Variants in NFKBIL1 observed in about 807,000 individuals in gnomAD.
NFKBIL1 encodes NF-kappa-B inhibitor-like protein 1.
In NFKBIL1, 30 loss-of-function variants were observed where a neutral mutation model predicts 45.4. The observed-to-expected ratio is 0.66, with a 90% confidence interval of 0.49 to 0.90. The LOEUF (loss-of-function observed/expected upper bound fraction) is 0.90. NFKBIL1 is among the 40% of genes least tolerant of loss of function. NFKBIL1 has a pLI of 0.00. For missense variants in NFKBIL1, 434 were observed against 513.4 expected, an observed-to-expected ratio of 0.85 and a Z score of 1.49; for synonymous variants, 179 against 197.3, an observed-to-expected ratio of 0.91 and a Z score of 0.78.
intron 2 of NFKBIL1, among the ~76,000 whole-genome samples, chr6:31,552,383 CT>C (rs1769477464): frequency 6.6e-6 from 1 of 152,116 alleles, no homozygotes; most frequent in Admixed American, 6.5e-5. Context: ...AGAGATTCTC[CT>C]GCCTCAGCCT....
chr6:31,558,194 G>T lies in NFKBIL1; in HGVS notation c.729G>T (p.Gln243His). The change falls in exon 4 of 4, where the codon CAG (glutamine) becomes CAT (histidine). Residue 243 changes from glutamine to histidine, a missense_variant. This residue lies in a region of NFKBIL1 where 128 missense variants were observed against 106.5 expected (regional missense o/e 1.20). Transcript: ENST00000376148. This position sits in a 1 kb window ranked among gnomAD's most constrained non-coding sequence, Gnocchi z 7.2. ...SQSWRQQEEE[Q>H]RLFRERARAK... The stretch of plus-strand genomic sequence containing the variant: ...GCTGGCGACAGCAGGAGGAGGAGCA[G>T]CGGCTCTTCAGGGAGCGAGCCCGGG... 6.2e-7 allele frequency: 1 copy of T among 1,607,016 alleles called. No homozygotes were observed. The highest frequency in any genetic ancestry group is 8.5e-7 in the Non-Finnish European group (1 of 1,177,440).
In NFKBIL1 at chr6:31,548,361, C is replaced by G. The variant is rs760189358; in HGVS notation, c.256C>G (p.Arg86Gly). The change falls in exon 2 of 4, where the codon CGG (arginine) becomes GGG (glycine). Residue 86 changes from arginine to glycine, a missense_variant. Physicochemically the swap from Arg to Gly is moderately radical, Grantham distance 125. Transcript: ENST00000376148. ...HDAPALCLLL[R>G]LGADPAHQDR... ...TGCCCCTGCCCTGTGCCTGCTGCTTCGGCTCGGGGCTGACCCTGCCCACCA... is the reference window on the plus strand; with the variant it reads ...TGCCCCTGCCCTGTGCCTGCTGCTTGGGCTCGGGGCTGACCCTGCCCACCA... The G allele has an allele frequency of 6.3e-7, 1 of 1,586,270 alleles. No individual in the cohort carries two copies. Among genetic ancestry groups the G allele is most frequent in the Non-Finnish European group, 8.6e-7 (1 of 1,167,462 alleles).
chr6:31,555,491 G>A lies in NFKBIL1; in HGVS notation c.335-2137G>A, dbSNP rs578099010. ...GACCTCAGGTGATCCACCCGCCTCA[G>A]CCTCCCAAAGTGCTGGGATTACAGG... is the stretch of plus-strand genomic sequence containing the variant. On this transcript the variant is annotated intron_variant, in intron 2 of 3. Transcript: ENST00000376148. Among the ~76,000 whole-genome samples the A allele has an allele frequency of 2.1e-4, 32 of 151,270 alleles. No homozygotes were observed. In the East Asian group the frequency reaches 4.7e-3, roughly 22 times the overall value.
chr6:31,558,175 G>T lies in NFKBIL1; in HGVS notation c.710G>T (p.Arg237Leu), dbSNP rs201798828. The change falls in exon 4 of 4, where the codon CGA (arginine) becomes CTA (leucine). Residue 237 changes from arginine to leucine, a missense_variant. Physicochemically the swap from Arg to Leu is moderately radical, Grantham distance 102. This residue lies in a region of NFKBIL1 where 128 missense variants were observed against 106.5 expected (regional missense o/e 1.20). Transcript: ENST00000376148. The surrounding 1 kb of genome is among the most constrained non-coding windows in gnomAD (Gnocchi z 7.2). ...PRAEGSSQSW[R>L]QQEEEQRLFR... ...GCTGAGGGCTCCAGCCAGAGCTGGCGACAGCAGGAGGAGGAGCAGCGGCTC... is the reference window on the plus strand; with the variant it reads ...GCTGAGGGCTCCAGCCAGAGCTGGCTACAGCAGGAGGAGGAGCAGCGGCTC... 2 of 1,609,898 alleles carry T rather than the reference G, an allele frequency of 1.2e-6. No individual in the cohort carries two copies. The highest frequency in any genetic ancestry group is 1.7e-6 in the Non-Finnish European group (2 of 1,178,704).
chr6:31,548,329 G>A lies in NFKBIL1; in HGVS notation c.224G>A (p.Arg75His), dbSNP rs201908227. The A allele has an allele frequency of 1.3e-5, 21 of 1,603,772 alleles. No homozygotes were observed. Among genetic ancestry groups the A allele is most frequent in the East Asian group, 2.2e-5 (1 of 44,766 alleles). ...QPPPLHRACA[R>H]HDAPALCLLL... ...CCACCACTGCACCGGGCCTGTGCCC[G>A]CCACGATGCCCCTGCCCTGTGCCTG... Residue 75 changes from arginine to histidine, a missense_variant, in exon 2 of 4, where the codon CGC becomes CAC. Coordinates refer to ENST00000376148, the MANE Select transcript of NFKBIL1 (RefSeq NM_005007.4).
At chr6:31,549,754 C>T (rs1348974688) in intron 2 of NFKBIL1, among the ~76,000 whole-genome samples, 1 of 152,138 alleles carries the variant, frequency 6.6e-6, no homozygotes, top group Non-Finnish European at 1.5e-5. Flanking sequence ...CAGAAACACT[C>T]ATGTGTTTGG....
rs1451415375 is a variant in NFKBIL1 at position 31,557,256 on chromosome 6, C to G, written c.335-372C>G. 6.6e-6 allele frequency among the ~76,000 whole-genome samples: 1 copy of G among 151,682 alleles called. No individual in the cohort carries two copies. The highest frequency in any genetic ancestry group is 3.4e-3 in the Middle Eastern group (1 of 294). ...CCGAGTAGCTGGGACTGCAGGCGCC[C>G]GCCACCAGGCCTGGCTAATTTTTTG... On this transcript the variant is annotated intron_variant, in intron 2 of 3. Coordinates refer to ENST00000376148, the MANE Select transcript of NFKBIL1 (RefSeq NM_005007.4). The surrounding 1 kb of genome is among the most constrained non-coding windows in gnomAD (Gnocchi z 5.4).
chr6:31,556,950 G>T (rs1769772572), intron 2 of NFKBIL1, among the ~76,000 whole-genome samples: 1 of 152,172 alleles, frequency 6.6e-6, no homozygotes, highest in Admixed American at 6.5e-5. Context: ...GAGAAAATAA[G>T]GGATTTATAT....
intron 2 of NFKBIL1, among the ~76,000 whole-genome samples, chr6:31,550,283 C>G (rs1251680046): frequency 2.6e-5 from 4 of 152,056 alleles, no homozygotes; most frequent in Non-Finnish European, 4.4e-5. Context: ...CCTTCTTTCC[C>G]CATCTAGAGA....
chr6:31,551,836 C>G (rs1039082919), intron 2 of NFKBIL1, among the ~76,000 whole-genome samples: 1 of 151,316 alleles, frequency 6.6e-6, no homozygotes, highest in African/African-American at 2.4e-5. Flanking sequence ...TCCCTCTGTT[C>G]CCCAGGCTGG....
intron 2 of NFKBIL1, among the ~76,000 whole-genome samples, chr6:31,553,241 C>G (rs890403786): frequency 6.6e-6 from 1 of 151,896 alleles, no homozygotes; most frequent in African/African-American, 2.4e-5. Flanking sequence ...ACCGTGTTGG[C>G]CAGGCTGGTC....
In NFKBIL1 at chr6:31,558,001, C is replaced by T. The variant is rs372701895; in HGVS notation, c.557-21C>T. 1.4e-6 allele frequency: 2 copies of T among 1,412,848 alleles called. No individual in the cohort carries two copies. The highest frequency in any genetic ancestry group is 1.9e-4 in the Middle Eastern group (1 of 5,198). The allele number at this position is 1,412,848 out of a possible 1,614,324, so 87.5% of individuals were successfully genotyped here. A position where few individuals can be genotyped will look rare whatever the true frequency, so the allele number is the denominator to read the frequency against. ...TCTCACAGCCTCTCTCCAACTACCC[C>T]CATCCCACCCTCCCAAACAGGTGAT... On this transcript the variant is annotated intron_variant, in intron 3 of 3. Transcript: ENST00000376148. This position sits in a 1 kb window ranked among gnomAD's most constrained non-coding sequence, Gnocchi z 7.2.
chr6:31,558,473 C>T lies in NFKBIL1; in HGVS notation c.1008C>T (p.Val336=), dbSNP rs1330293025. The T allele has an allele frequency of 6.4e-7, 1 of 1,551,626 alleles. No homozygotes were observed. Among genetic ancestry groups the T allele is most frequent in the Non-Finnish European group, 8.7e-7 (1 of 1,147,424 alleles). The change falls in exon 4 of 4, where the codon GTC becomes GTT. Residue 336 remains valine, a synonymous_variant. Coordinates refer to ENST00000376148, the MANE Select transcript of NFKBIL1 (RefSeq NM_005007.4). The surrounding 1 kb of genome is among the most constrained non-coding windows in gnomAD (Gnocchi z 7.2). The stretch of plus-strand genomic sequence containing the variant: ...GGGCTCTGAGGAGGTACTTGAGGGT[C>T]CAGCAGGTCCGCTGGCACCCTGACC... ...EQGALRRYLR[V]QQVRWHPDRF...
intron 2 of NFKBIL1, among the ~76,000 whole-genome samples, chr6:31,555,627 T>C (rs1166706155): frequency 7.2e-6 from 1 of 138,048 alleles, no homozygotes; most frequent in Non-Finnish European, 1.6e-5. Context: ...TTTTTTTTTT[T>C]TTTTTTGAGA....
Position 31,558,455 on chromosome 6 carries a change from G to A in NFKBIL1, c.990G>A (p.Leu330=), listed in dbSNP as rs1291716625. ...CCCCTTTGGAGGAACAGGGGGCTCT[G>A]AGGAGGTACTTGAGGGTCCAGCAGG... ...RGPPLEEQGA[L]RRYLRVQQVR... is the part of the protein sequence containing the mutation. Residue 330 remains leucine, a synonymous_variant, in exon 4 of 4, where the codon CTG becomes CTA. Coordinates refer to ENST00000376148, the MANE Select transcript of NFKBIL1 (RefSeq NM_005007.4). This position sits in a 1 kb window ranked among gnomAD's most constrained non-coding sequence, Gnocchi z 7.2. The A allele has an allele frequency of 6.4e-7, 1 of 1,551,262 alleles. No homozygotes were observed. Among genetic ancestry groups the A allele is most frequent in the African/African-American group, 1.4e-5 (1 of 73,282 alleles).
chr6:31,549,717 TG>T (rs1458099163), intron 2 of NFKBIL1, among the ~76,000 whole-genome samples: 3 of 152,116 alleles, frequency 2.0e-5, no homozygotes, highest in African/African-American at 7.2e-5. Flanking sequence ...TTCATCCTAC[TG>T]ATGTCAATAT....
At chr6:31,552,171 GATCCACCC>G (rs1319332328) in intron 2 of NFKBIL1, among the ~76,000 whole-genome samples, 9 of 152,200 alleles carry the variant, frequency 5.9e-5, no homozygotes, top group Admixed American at 5.2e-4. Context: ...GACCTCAAGT[GATCCACCC>G]ACCTCAGCCT....
Position 31,558,738 on chromosome 6 carries a change from G to T in NFKBIL1, c.*127G>T. 8 of 738,430 alleles carry T rather than the reference G, an allele frequency of 1.1e-5. No homozygotes were observed. Among genetic ancestry groups the T allele is most frequent in the Non-Finnish European group, 1.3e-5 (6 of 479,808 alleles). The allele number at this position is 738,430 out of a possible 1,614,324, so 45.7% of individuals were successfully genotyped here. ...CTCAGCAGAGGATATGGGTGGGAGCGAAAGTTGTAACAAGTGGGGGTGGGG... is the reference window on the plus strand; with the variant it reads ...CTCAGCAGAGGATATGGGTGGGAGCTAAAGTTGTAACAAGTGGGGGTGGGG... On this transcript the variant is annotated 3_prime_UTR_variant, in exon 4 of 4. Coordinates refer to ENST00000376148, the MANE Select transcript of NFKBIL1 (RefSeq NM_005007.4). This position sits in a 1 kb window ranked among gnomAD's most constrained non-coding sequence, Gnocchi z 7.2.
rs1038431138 is a variant in NFKBIL1 at position 31,558,444 on chromosome 6, C to G, written c.979C>G (p.Gln327Glu). The G allele has an allele frequency of 1.4e-5, 22 of 1,551,036 alleles. No homozygotes were observed. The highest frequency in any genetic ancestry group is 1.9e-5 in the Non-Finnish European group (22 of 1,147,244). ...LVARGPPLEEQGALRRYLRVQ... is the reference protein window; with the variant it reads ...LVARGPPLEEEGALRRYLRVQ... The stretch of plus-strand genomic sequence containing the variant: ...GGCCAGGGGCCCCCCTTTGGAGGAA[C>G]AGGGGGCTCTGAGGAGGTACTTGAG... The change falls in exon 4 of 4, where the codon CAG becomes GAG. Residue 327 changes from glutamine (Q) to glutamate (E), a missense_variant. This residue lies in a region of NFKBIL1 where 52 missense variants were observed against 95.9 expected (regional missense o/e 0.54). Transcript: ENST00000376148. This position sits in a 1 kb window ranked among gnomAD's most constrained non-coding sequence, Gnocchi z 7.2.
Sources: allele counts gnomAD v4.1 joint callset (sites outside exome capture counted in the v4.1 genomes callset), GRCh38; gene constraint gnomAD v4.1.1; regional missense constraint gnomAD v4.1.1; non-coding constraint Gnocchi (gnomAD v3.1); transcripts MANE v1.5; gene names NCBI Gene and HGNC (gene_info 2026-07-23, HGNC 2026-07-21).